The following GPHN variants were observed in gnomAD, a reference collection of about 807,000 sequenced individuals.
The protein encoded by GPHN is gephyrin.
GPHN carries 17 observed loss-of-function variants against 95.5 expected under a neutral mutation model. That is an observed-to-expected ratio of 0.18 (90% CI 0.12 to 0.27). The LOEUF is 0.27. GPHN is among the 10% of genes least tolerant of loss of function. The pLI, the probability that GPHN is intolerant of heterozygous loss-of-function variation, is 1.00. For missense variants in GPHN, 660 were observed against 978.1 expected, an observed-to-expected ratio of 0.67 and a Z score of 4.34; for synonymous variants, 320 against 322.5, an observed-to-expected ratio of 0.99 and a Z score of 0.08.
At chr14:66,788,095 C>T (rs1019436998) in intron 3 of GPHN, among the ~76,000 whole-genome samples, 5 of 149,694 alleles carry the variant, frequency 3.3e-5, no homozygotes, top group African/African-American at 1.2e-4. Context: ...TTTGGAAGGC[C>T]GAGGCAGGCG....
the GPHN span, among the ~76,000 whole-genome samples, chr14:67,299,624 G>A: frequency 1.3e-5 from 2 of 152,170 alleles, no homozygotes; most frequent in Admixed American, 1.3e-4. Context: ...TAGAATAAAA[G>A]AATAGCCTTT....
chr14:67,576,132 T>A, the GPHN span: 1 of 714,290 alleles, frequency 1.4e-6, no homozygotes, highest in South Asian at 1.9e-5. The surrounding 1 kb of genome is among the most constrained non-coding windows in gnomAD (Gnocchi z 4.0). Context: ...CAACTAATAT[T>A]CTCTGAATGG....
intron 8 of GPHN, among the ~76,000 whole-genome samples, chr14:66,941,894 C>G (rs1466482165): frequency 1.3e-5 from 2 of 152,126 alleles, no homozygotes; most frequent in Non-Finnish European, 2.9e-5. Flanking sequence ...GTAAATAGTT[C>G]AAAATCAGTT....
chr14:67,018,171 G>C (rs532751935), intron 9 of GPHN, among the ~76,000 whole-genome samples: 9 of 151,984 alleles, frequency 5.9e-5, no homozygotes, highest in African/African-American at 1.4e-4. Context: ...ATAAGATGCC[G>C]TAAGAATCTA....
At chr14:67,257,452 T>A in the GPHN span, among the ~76,000 whole-genome samples, 1 of 152,162 alleles carries the variant, frequency 6.6e-6, no homozygotes, top group Non-Finnish European at 1.5e-5. Flanking sequence ...CTTGGCTTAG[T>A]GGTTTTGGGG....
chr14:67,221,780 A>G, the GPHN span: 1 of 1,613,358 alleles, frequency 6.2e-7, no homozygotes, highest in South Asian at 1.1e-5. Context: ...TTTTTACAGG[A>G]GCTTGAGAAC....
chr14:67,044,570 G>A (rs1033683350), intron 10 of GPHN, among the ~76,000 whole-genome samples: 3 of 152,100 alleles, frequency 2.0e-5, no homozygotes, highest in Admixed American at 1.3e-4. Context: ...TCAAGGTATA[G>A]CAAGAGCCGG....
At chr14:66,954,063 A>G (rs540529001) in intron 8 of GPHN, among the ~76,000 whole-genome samples, 102 of 150,492 alleles carry the variant, frequency 6.8e-4, no homozygotes, top group African/African-American at 2.4e-3. Flanking sequence ...GGAAGAAAGC[A>G]GGAATTATGA....
the GPHN span, among the ~76,000 whole-genome samples, chr14:67,672,065 C>T: frequency 2.6e-5 from 4 of 151,928 alleles, no homozygotes; most frequent in South Asian, 2.1e-4. Flanking sequence ...ATTATTTAGA[C>T]TTATAGAAAT....
the GPHN span, among the ~76,000 whole-genome samples, chr14:67,388,690 T>C: frequency 1.3e-5 from 2 of 152,068 alleles, no homozygotes; most frequent in Non-Finnish European, 2.9e-5. Flanking sequence ...AATCATTTCT[T>C]TTTTTTTGAG....
At chr14:67,101,180 CT>C (rs1026668493) in intron 13 of GPHN, among the ~76,000 whole-genome samples, 38 of 151,130 alleles carry the variant, frequency 2.5e-4, no homozygotes, top group African/African-American at 7.3e-4. Flanking sequence ...TTGGGTGATT[CT>C]TTTTTTCCTG....
At chr14:66,920,039 C>T (rs2066131188) in intron 6 of GPHN, among the ~76,000 whole-genome samples, 1 of 152,116 alleles carries the variant, frequency 6.6e-6, no homozygotes, top group Non-Finnish European at 1.5e-5. Context: ...GCACTCCAGC[C>T]TGGGCGACAG....
chr14:67,272,721 C>T, the GPHN span, among the ~76,000 whole-genome samples: 23,552 of 152,110 alleles, frequency 0.15, 3,443 homozygotes, highest in East Asian at 0.42. Flanking sequence ...CGCAGTGGCA[C>T]GATCTTGGCT....
the GPHN span, chr14:67,559,840 A>T: frequency 3.2e-6 from 2 of 621,854 alleles, no homozygotes; most frequent in African/African-American, 3.7e-5. Context: ...CCATGCTGAG[A>T]CACCGTAGTT....
At chr14:67,668,832 C>G in the GPHN span, among the ~76,000 whole-genome samples, 10 of 152,140 alleles carry the variant, frequency 6.6e-5, no homozygotes, top group Non-Finnish European at 1.2e-4. Context: ...CCAAATGATG[C>G]TGATGCAGCT....
intron 4 of GPHN, among the ~76,000 whole-genome samples, chr14:66,865,933 G>A (rs2063206114): frequency 6.6e-6 from 1 of 152,136 alleles, no homozygotes; most frequent in Admixed American, 6.6e-5. Context: ...GAACATCAAG[G>A]TAGCATCAAA....
At chr14:67,036,308 C>G (rs1213869139) in intron 10 of GPHN, among the ~76,000 whole-genome samples, 1 of 148,954 alleles carries the variant, frequency 6.7e-6, no homozygotes, top group Non-Finnish European at 1.5e-5. Context: ...TTTTTAAGAT[C>G]AAGAACAAAG....
the GPHN span, among the ~76,000 whole-genome samples, chr14:67,268,190 G>T: frequency 2.0e-5 from 3 of 152,270 alleles, no homozygotes; most frequent in Admixed American, 2.0e-4. Flanking sequence ...TTATATAGAG[G>T]TTCCCCTTCC....
chr14:66,939,618 C>A (rs2067305012), intron 8 of GPHN, among the ~76,000 whole-genome samples: 1 of 152,164 alleles, frequency 6.6e-6, no homozygotes, highest in African/African-American at 2.4e-5. Flanking sequence ...TCCAAACTTC[C>A]CGTAACTCCA....
Sources: gnomAD v4.1 joint callset for allele counts (sites outside exome capture counted in the v4.1 genomes callset) on GRCh38, gnomAD v4.1.1 for gene constraint, Gnocchi (gnomAD v3.1) non-coding constraint, MANE v1.5 for transcripts, NCBI Gene and HGNC (gene_info 2026-07-23, HGNC 2026-07-21) for gene names.